The following C17orf107 variants were observed in gnomAD, a reference collection of about 807,000 sequenced individuals.
The protein encoded by C17orf107 is chromosome 17 open reading frame 107.
C17orf107 carries 9 observed loss-of-function variants against 8.9 expected under a neutral mutation model. That is an observed-to-expected ratio of 1.02 (90% CI 0.61 to 1.77). The LOEUF is 1.77. Among genes scored for constraint, C17orf107 ranks in the 40% most tolerant of loss-of-function variants. The pLI is 0.00. For synonymous variants in C17orf107, 139 were observed against 120.3 expected, an observed-to-expected ratio of 1.16 and a Z score of -1.02; for missense variants, 281 against 249.0, an observed-to-expected ratio of 1.13 and a Z score of -0.86.
At chr17:4,903,114 G>A, downstream of C17orf107, 1 of 1,596,030 alleles carries the variant, frequency 6.3e-7, no homozygotes, top group South Asian at 1.1e-5. Context: ...GCTTGGAGGG[G>A]GCATGCCAGG....
chr17:4,901,875 C>T lies in C17orf107; in HGVS notation c.*1342C>T. On this transcript the variant is annotated 3_prime_UTR_variant, in exon 3 of 3. Transcript: ENST00000381365. ...GGGCGGTGCTTCCCGGTTGGCCCCG[C>T]CCCATAAGGCCCCCCCCCAACAATA... is the stretch of plus-strand genomic sequence containing the variant. 2 of 1,427,218 alleles carry T rather than the reference C, an allele frequency of 1.4e-6. No homozygotes were observed. The highest frequency in any genetic ancestry group is 1.4e-5 in the African/African-American group (1 of 69,388). The allele number at this position is 1,427,218 out of a possible 1,614,324, so 88.4% of individuals were successfully genotyped here.
rs1969995050 is a variant in C17orf107 at position 4,901,796 on chromosome 17, G to A, written c.*1263G>A. ...TCTGTACCTCCGGCCGCGCTGGAGC[G>A]TCCCACCCAGTGCCTACGCCTGGCT... On this transcript the variant is annotated 3_prime_UTR_variant, in exon 3 of 3. Transcript: ENST00000381365. 1 of 1,368,138 alleles carries A rather than the reference G, an allele frequency of 7.3e-7. No individual in the cohort carries two copies. Among genetic ancestry groups the A allele is most frequent in the African/African-American group, 1.4e-5 (1 of 69,410 alleles). 84.7% of individuals were successfully genotyped at this position (1,368,138 alleles called of 1,614,324 possible). A position where few individuals can be genotyped will look rare whatever the true frequency, so the allele number is the denominator to read the frequency against.
At chr17:4,903,060 C>T (rs563301083), downstream of C17orf107, 1 of 1,614,046 alleles carries the variant, frequency 6.2e-7, no homozygotes, top group South Asian at 1.1e-5. Context: ...GGAGCCCTTG[C>T]CATCCTGCTG....
At position 4,902,473 on chromosome 17, in the gene C17orf107, TGA is replaced by T; in HGVS notation, c.*1944_*1945del. 6.2e-7 allele frequency: 1 copy of T among 1,614,190 alleles called. No individual in the cohort carries two copies. Among genetic ancestry groups the T allele is most frequent in the African/African-American group, 1.3e-5 (1 of 75,040 alleles). ...ACGATTCCAATCCAGACGCTAGTGG[TGA>T]GAGTCTCCTCTTTTTCATTCTGCAG... On this transcript the variant is annotated 3_prime_UTR_variant, in exon 3 of 3. Transcript: ENST00000381365. This position sits in a 1 kb window ranked among gnomAD's most constrained non-coding sequence, Gnocchi z 4.0.
chr17:4,906,109 C>T (rs970146125), downstream of C17orf107, among the ~76,000 whole-genome samples: 2 of 152,188 alleles, frequency 1.3e-5, no homozygotes. Flanking sequence ...ATGGTCTTAG[C>T]CCCAGACCAA....
rs751436557 is a variant in C17orf107 at position 4,902,283 on chromosome 17, C to G, written c.*1750C>G. 3 of 1,614,158 alleles carry G rather than the reference C, an allele frequency of 1.9e-6. No individual in the cohort carries two copies. Among genetic ancestry groups the G allele is most frequent in the Admixed American group, 1.7e-5 (1 of 60,026 alleles). ...AGGGACTCGCAGGGTTTCTATACCCCCAAAGTCGTCCTTGCTGTAGTTGAG... is the reference window on the plus strand; with the variant it reads ...AGGGACTCGCAGGGTTTCTATACCCGCAAAGTCGTCCTTGCTGTAGTTGAG... On this transcript the variant is annotated 3_prime_UTR_variant, in exon 3 of 3. Coordinates refer to ENST00000381365, the MANE Select transcript of C17orf107 (RefSeq NM_001145536.2). The surrounding 1 kb of genome is among the most constrained non-coding windows in gnomAD (Gnocchi z 4.0).
chr17:4,905,401 C>G (rs981176261), downstream of C17orf107, among the ~76,000 whole-genome samples: 1 of 151,914 alleles, frequency 6.6e-6, no homozygotes, highest in Admixed American at 6.6e-5. Context: ...AATAAATAAA[C>G]AACAACAAAA....
chr17:4,900,778 G>GGC lies in C17orf107; in HGVS notation c.*246_*247insCG, dbSNP rs1567638303. The GGC allele has an allele frequency of 1.9e-6, 3 of 1,608,942 alleles. No individual in the cohort carries two copies. The highest frequency in any genetic ancestry group is 2.5e-6 in the Non-Finnish European group (3 of 1,177,214). ...CTTCACACTGGCCACACCCCCGCGG[G>GGC]GGCTCCGGCTTCACCTGCCCAGGAG... On this transcript the variant is annotated 3_prime_UTR_variant, in exon 3 of 3. Transcript: ENST00000381365.
downstream of C17orf107, among the ~76,000 whole-genome samples, chr17:4,903,824 GA>G (rs1261125248): frequency 6.6e-6 from 1 of 152,056 alleles, no homozygotes; most frequent in East Asian, 1.9e-4. Context: ...ACACACACCT[GA>G]TGACACCTTA....
At position 4,902,656 on chromosome 17, in the gene C17orf107, T is replaced by A; in HGVS notation, c.*2123T>A. The A allele has an allele frequency of 6.2e-7, 1 of 1,614,050 alleles. No homozygotes were observed. Among genetic ancestry groups the A allele is most frequent in the Non-Finnish European group, 8.5e-7 (1 of 1,180,000 alleles). ...AGATTCGTCAGGGTGACCTTGAGGC[T>A]GATGGTGACAGTATCCTCAGGCTCC... is the stretch of plus-strand genomic sequence containing the variant. On this transcript the variant is annotated 3_prime_UTR_variant, in exon 3 of 3. Transcript: ENST00000381365. The surrounding 1 kb of genome is among the most constrained non-coding windows in gnomAD (Gnocchi z 4.0).
chr17:4,900,922 AGT>A lies in C17orf107; in HGVS notation c.*391_*392del. The stretch of plus-strand genomic sequence containing the variant: ...CTGGCCGCCGGCTGGAGGGAGAGCC[AGT>A]GAGAGCGGGCCCCGCCTCCCGGGAG... On this transcript the variant is annotated 3_prime_UTR_variant, in exon 3 of 3. Transcript: ENST00000381365. 1 of 1,614,126 alleles carries A rather than the reference AGT, an allele frequency of 6.2e-7. No individual in the cohort carries two copies. Among genetic ancestry groups the A allele is most frequent in the Non-Finnish European group, 8.5e-7 (1 of 1,179,972 alleles).
chr17:4,904,985 GTGC>G (rs1447947190), downstream of C17orf107, among the ~76,000 whole-genome samples: 1 of 152,166 alleles, frequency 6.6e-6, no homozygotes, highest in Non-Finnish European at 1.5e-5. Context: ...TCTCAAATCT[GTGC>G]TGCTGCTTAT....
chr17:4,902,601 T>C lies in C17orf107; in HGVS notation c.*2068T>C. ...CAGAAGTGGGATTTTTGGCTTAAGA[T>C]GAGGGTGGGGGTAGCTTACCAGTGA... On this transcript the variant is annotated 3_prime_UTR_variant, in exon 3 of 3. Transcript: ENST00000381365. The surrounding 1 kb of genome is among the most constrained non-coding windows in gnomAD (Gnocchi z 4.0). 2 of 1,614,034 alleles carry C rather than the reference T, an allele frequency of 1.2e-6. No individual in the cohort carries two copies. Among genetic ancestry groups the C allele is most frequent in the Non-Finnish European group, 1.7e-6 (2 of 1,180,004 alleles).
chr17:4,902,883 C>A lies in C17orf107; in HGVS notation c.*2350C>A, dbSNP rs1970035647. 6.3e-7 allele frequency: 1 copy of A among 1,584,910 alleles called. No homozygotes were observed. Among genetic ancestry groups the A allele is most frequent in the Non-Finnish European group, 8.7e-7 (1 of 1,154,722 alleles). On this transcript the variant is annotated 3_prime_UTR_variant, in exon 3 of 3. Coordinates refer to ENST00000381365, the MANE Select transcript of C17orf107 (RefSeq NM_001145536.2). The surrounding 1 kb of genome is among the most constrained non-coding windows in gnomAD (Gnocchi z 4.0). ...GGCTGTGTACTATCAGTATCTGTCT[C>A]CTAAACCAATTATGCTGTGCCTGGG... is the stretch of plus-strand genomic sequence containing the variant.
Position 4,900,475 on chromosome 17 carries a change from A to T in C17orf107, c.515A>T (p.Gln172Leu). Residue 172 changes from glutamine (Q) to leucine (L), a missense_variant, in exon 3 of 3, where the codon CAG becomes CTG. Gln to Leu is a moderately radical substitution (Grantham distance 113, BLOSUM62 -2). Transcript: ENST00000381365. ...GCCTCATTCCTGCGACAGTCGCAAC[A>T]GCAGCTAGGCCTCGGAATCCCCGGA... The part of the protein sequence containing the change: ...GSASFLRQSQ[Q>L]QLGLGIPGEP... 1 of 1,551,120 alleles carries T rather than the reference A, an allele frequency of 6.4e-7. No individual in the cohort carries two copies. Among genetic ancestry groups the T allele is most frequent in the Admixed American group, 2.0e-5 (1 of 51,012 alleles).
At position 4,901,449 on chromosome 17, in the gene C17orf107, G is replaced by A; in HGVS notation, c.*916G>A. On this transcript the variant is annotated 3_prime_UTR_variant, in exon 3 of 3. Transcript: ENST00000381365. Reference sequence around the variant, plus strand: ...GTCATCCTCCAGTGTCGTTGGTCCGGGGCAAGCCCACCGTGGAAGTCCCCT... The same window carrying A: ...GTCATCCTCCAGTGTCGTTGGTCCGAGGCAAGCCCACCGTGGAAGTCCCCT... The A allele has an allele frequency of 7.2e-7, 1 of 1,395,916 alleles. No homozygotes were observed. The highest frequency in any genetic ancestry group is 1.2e-5 in the South Asian group (1 of 86,312). The allele number at this position is 1,395,916 out of a possible 1,614,324, so 86.5% of individuals were successfully genotyped here.
Position 4,900,069 on chromosome 17 carries a change from C to G in C17orf107, c.200C>G (p.Ala67Gly). The G allele has an allele frequency of 6.4e-7, 1 of 1,551,140 alleles. No individual in the cohort carries two copies. The highest frequency in any genetic ancestry group is 8.7e-7 in the Non-Finnish European group (1 of 1,146,990). ...PEPKMQGMLP[A>G]PKPTLGLVLR... is the part of the protein sequence containing the mutation. ...CCGAAGATGCAGGGGATGCTGCCTG[C>G]CCCGAAGCCCACCCTGGGGCTGGTG... Residue 67 changes from alanine (A) to glycine (G), a missense_variant, in exon 2 of 3, where the codon GCC becomes GGC. Ala to Gly is a moderately conservative substitution (Grantham distance 60, BLOSUM62 0). Coordinates refer to ENST00000381365, the MANE Select transcript of C17orf107 (RefSeq NM_001145536.2).
chr17:4,901,274 G>T lies in C17orf107; in HGVS notation c.*741G>T. ...GCGGGCTGAAGAGGAGGCTGCGGCT[G>T]TCTGCACCAGGGTCATGGGCCGTCA... On this transcript the variant is annotated 3_prime_UTR_variant, in exon 3 of 3. Coordinates refer to ENST00000381365, the MANE Select transcript of C17orf107 (RefSeq NM_001145536.2). 1 of 1,471,670 alleles carries T rather than the reference G, an allele frequency of 6.8e-7. No homozygotes were observed. Among genetic ancestry groups the T allele is most frequent in the Non-Finnish European group, 9.3e-7 (1 of 1,074,522 alleles). The allele number at this position is 1,471,670 out of a possible 1,614,324, so 91.2% of individuals were successfully genotyped here. A position where few individuals can be genotyped will look rare whatever the true frequency, so the allele number is the denominator to read the frequency against.
Position 4,902,706 on chromosome 17 carries a change from T to A in C17orf107, c.*2173T>A. 1 of 1,614,090 alleles carries A rather than the reference T, an allele frequency of 6.2e-7. No homozygotes were observed. The highest frequency in any genetic ancestry group is 8.5e-7 in the Non-Finnish European group (1 of 1,180,028). ...CCGCACTGGCCGGCTTCCTGGGTCA[T>A]AGTTGTTGAAGAGATGGTGATAAAG... On this transcript the variant is annotated 3_prime_UTR_variant, in exon 3 of 3. Coordinates refer to ENST00000381365, the MANE Select transcript of C17orf107 (RefSeq NM_001145536.2). The surrounding 1 kb of genome is among the most constrained non-coding windows in gnomAD (Gnocchi z 4.0).
Sources: allele counts gnomAD v4.1 joint callset (sites outside exome capture counted in the v4.1 genomes callset), GRCh38; gene constraint gnomAD v4.1.1; non-coding constraint Gnocchi (gnomAD v3.1); transcripts MANE v1.5; gene names NCBI Gene and HGNC (gene_info 2026-07-23, HGNC 2026-07-21).